The following TG variants were observed in gnomAD, a reference collection of about 807,000 sequenced individuals.
TG encodes thyroglobulin.
In TG, 270 loss-of-function variants were observed where a neutral mutation model predicts 324.7. The ratio of observed to expected loss-of-function variants is 0.83; its 90% CI spans 0.75 to 0.92. The LOEUF (loss-of-function observed/expected upper bound fraction) is 0.92, where lower values mean the gene tolerates loss of function less well. Ranked by LOEUF, TG falls within the 40% of genes least tolerant of loss-of-function variation. TG has a pLI of 0.00. For synonymous variants in TG, 1,401 were observed against 1,327.0 expected, an observed-to-expected ratio of 1.06 and a Z score of -1.21; for missense variants, 3,591 against 3,456.4, an observed-to-expected ratio of 1.04 and a Z score of -0.98.
At chr8:132,939,363 C>T (rs1824083161) in intron 25 of TG, among the ~76,000 whole-genome samples, 1 of 152,176 alleles carries the variant, frequency 6.6e-6, no homozygotes, top group Non-Finnish European at 1.5e-5. Flanking sequence ...GGCCGACTCT[C>T]TCAAGTAGCT....
chr8:132,918,562 A>G (rs1450509265), intron 20 of TG, among the ~76,000 whole-genome samples: 3 of 152,176 alleles, frequency 2.0e-5, no homozygotes, highest in Admixed American at 2.0e-4. Context: ...TGCTAAATCA[A>G]CATTGGCTCC....
chr8:133,121,172 CGAAG>C lies in TG; in HGVS notation c.7862+4459_7862+4462del, dbSNP rs1441540263. ...TTAGTAGGTGCTCAGGAAATCATACCGAAGGATAGATGGTCAGGAATGAGTCCTT... is the reference window on the plus strand; with the variant it reads ...TTAGTAGGTGCTCAGGAAATCATACCGATAGATGGTCAGGAATGAGTCCTT... On this transcript the variant is annotated intron_variant, in intron 45 of 47. Coordinates refer to ENST00000220616, the MANE Select transcript of TG (RefSeq NM_003235.5). Among the ~76,000 whole-genome samples, 19 of 152,246 alleles carry C rather than the reference CGAAG, an allele frequency of 1.2e-4. 1 individual carries two copies. The highest frequency in any genetic ancestry group is 1.0e-3 in the South Asian group (5 of 4,830).
At chr8:132,975,749 C>A (rs1830103307) in intron 34 of TG, among the ~76,000 whole-genome samples, 1 of 152,160 alleles carries the variant, frequency 6.6e-6, no homozygotes, top group Non-Finnish European at 1.5e-5. Flanking sequence ...GAGAGGTTGT[C>A]ACTTACTCAA....
intron 45 of TG, 24 bp from the exon 46 acceptor site, chr8:133,131,788 G>A (rs1851966609): frequency 6.2e-7 from 1 of 1,613,754 alleles, no homozygotes; most frequent in South Asian, 1.1e-5. Flanking sequence ...ACCTTTTGCT[G>A]CTGCTTTTCC....
At chr8:133,055,417 A>C (rs936115600) in intron 41 of TG, among the ~76,000 whole-genome samples, 1 of 151,892 alleles carries the variant, frequency 6.6e-6, no homozygotes, top group African/African-American at 2.4e-5. Flanking sequence ...AGGATTATAC[A>C]TGCAACTAAC....
chr8:132,888,587 A>G lies in TG; in HGVS notation c.2761+19A>G. On this transcript the variant is annotated intron_variant, in intron 10 of 47. Transcript: ENST00000220616. ...CCAACATGTGAGCTAACGCATATGA[A>G]GAGTTAAATGTGTGTGTGTGTGTGT... The G allele has an allele frequency of 6.3e-7, 1 of 1,593,792 alleles. No homozygotes were observed. The highest frequency in any genetic ancestry group is 2.2e-4 in the Middle Eastern group (1 of 4,520).
At chr8:133,030,385 G>A (rs946911523) in intron 41 of TG, among the ~76,000 whole-genome samples, 10 of 152,174 alleles carry the variant, frequency 6.6e-5, no homozygotes, top group Non-Finnish European at 2.9e-5. Context: ...CTGAAGTGCC[G>A]GCTACGTGAG....
rs532801976 is a variant in TG at position 133,092,404 on chromosome 8, G to C, written c.7240-2640G>C. The stretch of plus-strand genomic sequence containing the variant: ...AGTGGAAACTCCTCGCCATTGAATA[G>C]CTAGGTCAGATTTAGATAAAGCCGG... On this transcript the variant is annotated intron_variant, in intron 41 of 47. Transcript: ENST00000220616. Among the ~76,000 whole-genome samples, 19 of 152,348 alleles carry C rather than the reference G, an allele frequency of 1.2e-4. No individual in the cohort carries two copies. The South Asian group carries it at 3.7e-3, about 30-fold the overall frequency.
chr8:133,007,700 G>A (rs1395111283), intron 35 of TG, among the ~76,000 whole-genome samples: 5 of 151,676 alleles, frequency 3.3e-5, no homozygotes, highest in Admixed American at 2.6e-4. Flanking sequence ...ATTTTATGAT[G>A]GGATTAAAGA....
At chr8:132,984,392 T>C (rs1323002234) in intron 35 of TG, among the ~76,000 whole-genome samples, 1 of 152,228 alleles carries the variant, frequency 6.6e-6, no homozygotes, top group Non-Finnish European at 1.5e-5. Flanking sequence ...ATAAAGTTGT[T>C]GAGCCTTCTA....
intron 46 of TG, among the ~76,000 whole-genome samples, chr8:133,132,971 G>T (rs1852055840): frequency 6.6e-6 from 1 of 152,182 alleles, no homozygotes; most frequent in South Asian, 2.1e-4. Flanking sequence ...TGGTGTTTGG[G>T]CTACATGGCA....
At chr8:132,948,302 CGAGAGT>C (rs1315691758) in intron 26 of TG, among the ~76,000 whole-genome samples, 2 of 150,552 alleles carry the variant, frequency 1.3e-5, no homozygotes, top group Non-Finnish European at 3.0e-5. Flanking sequence ...TGAGCGAGAG[CGAGAGT>C]GAGAGCGAGA....
At chr8:133,085,408 T>A (rs1454791377) in intron 41 of TG, among the ~76,000 whole-genome samples, 1 of 151,914 alleles carries the variant, frequency 6.6e-6, no homozygotes, top group African/African-American at 2.4e-5. Context: ...ATGAAGAAAG[T>A]GAAAAGAAAA....
chr8:133,018,169 G>C (rs1835222468), intron 38 of TG, among the ~76,000 whole-genome samples, 172 bp downstream of exon 38: 1 of 152,234 alleles, frequency 6.6e-6, no homozygotes, highest in Non-Finnish European at 1.5e-5. Context: ...AAACTCCTAA[G>C]TAACAGTGGC....
chr8:133,024,070 C>G (rs898076625), intron 40 of TG, among the ~76,000 whole-genome samples: 19 of 152,254 alleles, frequency 1.2e-4, no homozygotes, highest in African/African-American at 4.3e-4. Context: ...CAGGAGATCT[C>G]TGAGGCCAGC....
At position 132,897,646 on chromosome 8, in the gene TG, C is replaced by T. The variant is rs1319493512; in HGVS notation, c.3002-3C>T. ...TTCTGCTTTTCTCCTTCCCTGACTCCAGCCTTAAGCTTCTATCAGAGACGC... is the reference window on the plus strand; with the variant it reads ...TTCTGCTTTTCTCCTTCCCTGACTCTAGCCTTAAGCTTCTATCAGAGACGC... On this transcript the variant is annotated splice_region_variant and splice_polypyrimidine_tract_variant and intron_variant, in intron 11 of 47. Coordinates refer to ENST00000220616, the MANE Select transcript of TG (RefSeq NM_003235.5). 2 of 1,614,078 alleles carry T rather than the reference C, an allele frequency of 1.2e-6. No individual in the cohort carries two copies. The highest frequency in any genetic ancestry group is 1.3e-5 in the African/African-American group (1 of 74,948).
chr8:133,114,234 C>T (rs10108422), intron 44 of TG, among the ~76,000 whole-genome samples: 2,675 of 152,272 alleles, frequency 0.018, 70 homozygotes, highest in African/African-American at 0.06. Flanking sequence ...TCTCTGGGGC[C>T]CGCTGTTTCT....
At chr8:132,957,766 C>CACACACACACACAG (rs1554680121) in intron 27 of TG, among the ~76,000 whole-genome samples, 11,714 of 145,488 alleles carry the variant, frequency 0.081, 631 homozygotes, top group South Asian at 0.11. Flanking sequence ...CACACACACA[C>CACACACACACACAG]ACACACACAC....
chr8:133,013,813 G>A (rs768291949), intron 37 of TG, 49 bp downstream of exon 37: 1 of 1,583,358 alleles, frequency 6.3e-7, no homozygotes, highest in East Asian at 2.3e-5. Flanking sequence ...ACTGGGTCTG[G>A]GGAAGGGACT....
Sources: allele counts gnomAD v4.1 joint callset (sites outside exome capture counted in the v4.1 genomes callset), GRCh38; gene constraint gnomAD v4.1.1; transcripts MANE v1.5; gene names NCBI Gene and HGNC (gene_info 2026-07-23, HGNC 2026-07-21).